Variants in KIAA1328 observed in about 807,000 individuals in gnomAD.
The protein encoded by KIAA1328 is KIAA1328.
KIAA1328 carries 52 observed loss-of-function variants against 68.1 expected under a neutral mutation model. That is an observed-to-expected ratio of 0.76 (90% CI 0.61 to 0.96). The LOEUF (loss-of-function observed/expected upper bound fraction) is 0.96, where lower values mean the gene tolerates loss of function less well. Among genes scored for constraint, KIAA1328 ranks in the 40% least tolerant of loss-of-function variants. The pLI is 0.00. For missense variants in KIAA1328, 641 were observed against 677.6 expected (o/e 0.95, Z 0.60); for synonymous variants, 232 against 239.4 (o/e 0.97, Z 0.28).
intron 6 of KIAA1328, among the ~76,000 whole-genome samples, chr18:37,028,126 T>C (rs2054668235): frequency 6.6e-6 from 1 of 152,194 alleles, no homozygotes; most frequent in African/African-American, 2.4e-5. Flanking sequence ...GTTCTCAATG[T>C]TAGCTCCTAC....
intron 6 of KIAA1328, among the ~76,000 whole-genome samples, chr18:36,982,119 TATAA>T (rs1474807176): frequency 7.3e-6 from 1 of 137,930 alleles, no homozygotes; most frequent in Non-Finnish European, 1.5e-5. Context: ...TTATATAATA[TATAA>T]ATATATTATA....
At chr18:37,231,829 T>C (rs766090446), downstream of KIAA1328, 1 of 152,644 alleles carries the variant, frequency 6.6e-6, no homozygotes, top group Non-Finnish European at 1.5e-5. Context: ...CCCCACCCTG[T>C]TCTTCTCCCC....
chr18:37,053,858 G>T (rs2055801008), intron 6 of KIAA1328, among the ~76,000 whole-genome samples: 1 of 151,836 alleles, frequency 6.6e-6, no homozygotes, highest in African/African-American at 2.4e-5. Flanking sequence ...ATTTGGTTGG[G>T]TACACAGAGC....
intron 4 of KIAA1328, among the ~76,000 whole-genome samples, chr18:36,852,244 T>C (rs2047235541): frequency 6.6e-6 from 1 of 152,156 alleles, no homozygotes; most frequent in Admixed American, 6.6e-5. Flanking sequence ...GGGAATAATA[T>C]GTATTTAGCT....
intron 3 of KIAA1328, among the ~76,000 whole-genome samples, chr18:36,838,862 G>A (rs2046764868): frequency 6.6e-6 from 1 of 152,118 alleles, no homozygotes; most frequent in South Asian, 2.1e-4. Context: ...AGCCTCCTGA[G>A]TAGCTGGGAT....
chr18:36,929,644 G>A (rs2050242719), intron 5 of KIAA1328, among the ~76,000 whole-genome samples: 1 of 151,982 alleles, frequency 6.6e-6, no homozygotes, highest in African/African-American at 2.4e-5. Flanking sequence ...AGGCCTTTTG[G>A]GAGGTAATTA....
At chr18:36,989,414 T>G (rs1742465062) in intron 6 of KIAA1328, among the ~76,000 whole-genome samples, 1 of 152,222 alleles carries the variant, frequency 6.6e-6, no homozygotes, top group South Asian at 2.1e-4. Flanking sequence ...GTGGCCTGTC[T>G]GGACTAGCAT....
intron 7 of KIAA1328, among the ~76,000 whole-genome samples, chr18:37,151,967 C>G (rs1429683362): frequency 6.6e-6 from 1 of 151,830 alleles, no homozygotes; most frequent in African/African-American, 2.4e-5. Flanking sequence ...TGCAGGGGGT[C>G]TTGTTACCCA....
intron 9 of KIAA1328, among the ~76,000 whole-genome samples, chr18:37,213,858 G>C (rs983032811): frequency 6.6e-6 from 1 of 152,134 alleles, no homozygotes; most frequent in Admixed American, 6.5e-5. Flanking sequence ...GTGTGAGATG[G>C]TATCTCATTG....
chr18:37,173,036 A>C lies in KIAA1328; in HGVS notation c.1478A>C (p.Asp493Ala), dbSNP rs1474580238. 2 of 1,613,558 alleles carry C rather than the reference A, an allele frequency of 1.2e-6. No homozygotes were observed. Among genetic ancestry groups the C allele is most frequent in the African/African-American group, 1.3e-5 (1 of 74,906 alleles). ...TSPMPTGSLK[D>A]FVTTASPSLQ... Reference sequence around the variant, plus strand: ...CCTATGCCAACAGGAAGCCTAAAGGATTTTGTCACCACAGCCTCACCATCA... The same window carrying C: ...CCTATGCCAACAGGAAGCCTAAAGGCTTTTGTCACCACAGCCTCACCATCA... Residue 493 changes from aspartate to alanine, a missense_variant, in exon 9 of 10, where the codon GAT (aspartate) becomes GCT (alanine). Physicochemically the swap from Asp to Ala is moderately radical, Grantham distance 126. Coordinates refer to ENST00000280020, the MANE Select transcript of KIAA1328 (RefSeq NM_020776.3).
intron 4 of KIAA1328, among the ~76,000 whole-genome samples, chr18:36,882,208 C>T (rs890758585): frequency 8.5e-5 from 13 of 152,104 alleles, no homozygotes; most frequent in African/African-American, 2.9e-4. Flanking sequence ...GTAACAGAAA[C>T]CATAGAAAGT....
At chr18:36,926,720 C>G (rs1283813317) in intron 5 of KIAA1328, among the ~76,000 whole-genome samples, 1 of 152,224 alleles carries the variant, frequency 6.6e-6, no homozygotes, top group East Asian at 1.9e-4. Flanking sequence ...TTTCATTTTA[C>G]TAATTTATTT....
chr18:37,123,463 A>G (rs2058319643), intron 7 of KIAA1328, among the ~76,000 whole-genome samples: 1 of 152,198 alleles, frequency 6.6e-6, no homozygotes, highest in Non-Finnish European at 1.5e-5. Context: ...CAAAAATATA[A>G]TTCTAATCAT....
intron 6 of KIAA1328, among the ~76,000 whole-genome samples, chr18:36,985,021 C>G (rs978981122): frequency 2.6e-5 from 4 of 151,764 alleles, no homozygotes; most frequent in Non-Finnish European, 5.9e-5. Context: ...CAATGAAGGA[C>G]TGGGCACACA....
chr18:36,860,878 A>G (rs1021583361), intron 4 of KIAA1328, among the ~76,000 whole-genome samples: 12 of 152,178 alleles, frequency 7.9e-5, no homozygotes, highest in African/African-American at 2.9e-4. Flanking sequence ...AAATGGGTGA[A>G]CTTTATGATA....
At chr18:37,115,202 G>A (rs2058068395) in intron 7 of KIAA1328, among the ~76,000 whole-genome samples, 1 of 151,996 alleles carries the variant, frequency 6.6e-6, no homozygotes, top group African/African-American at 2.4e-5. Context: ...CCGGGCAGAG[G>A]CATGACAAAG....
intron 4 of KIAA1328, among the ~76,000 whole-genome samples, chr18:36,873,863 G>T (rs1472659941): frequency 6.6e-6 from 1 of 152,086 alleles, no homozygotes; most frequent in African/African-American, 2.4e-5. Context: ...ACAGGCCACA[G>T]TGTGTGATGT....
chr18:36,946,032 G>A (rs1275483315), intron 5 of KIAA1328, among the ~76,000 whole-genome samples: 1 of 152,050 alleles, frequency 6.6e-6, no homozygotes, highest in African/African-American at 2.4e-5. Context: ...ATTTCTTCTG[G>A]ACATTATGTT....
intron 7 of KIAA1328, among the ~76,000 whole-genome samples, chr18:37,096,610 G>A (rs2044662632): frequency 6.6e-6 from 1 of 152,204 alleles, no homozygotes; most frequent in African/African-American, 2.4e-5. Context: ...GGATTGCTGG[G>A]TCAAATGGTA....
Sources: gnomAD v4.1 joint callset for allele counts (sites outside exome capture counted in the v4.1 genomes callset) on GRCh38, gnomAD v4.1.1 for gene constraint, MANE v1.5 for transcripts, NCBI Gene and HGNC (gene_info 2026-07-23, HGNC 2026-07-21) for gene names.